The following EIF3H variants were observed in gnomAD, a reference collection of about 807,000 sequenced individuals.
EIF3H encodes eukaryotic translation initiation factor 3 subunit H.
In EIF3H, 26 loss-of-function variants were observed where a neutral mutation model predicts 44.2. That is an observed-to-expected ratio of 0.59 (90% CI 0.43 to 0.82). The LOEUF (loss-of-function observed/expected upper bound fraction) is 0.82, where lower values mean the gene tolerates loss of function less well. Among genes scored for constraint, EIF3H ranks in the 40% least tolerant of loss-of-function variants. The pLI, the probability that EIF3H is intolerant of heterozygous loss-of-function variation, is 0.00. For missense variants in EIF3H, 359 were observed against 432.8 expected (o/e 0.83, Z 1.51); for synonymous variants, 166 against 151.9 (o/e 1.09, Z -0.68).
intron 2 of EIF3H, among the ~76,000 whole-genome samples, chr8:116,682,825 G>A (rs1025916094): frequency 3.3e-5 from 5 of 152,186 alleles, no homozygotes; most frequent in Non-Finnish European, 7.3e-5. Flanking sequence ...ATGAAATGCT[G>A]TAACATGTGG....
At chr8:116,680,393 G>C (rs1400671532) in intron 2 of EIF3H, among the ~76,000 whole-genome samples, 6 of 67,512 alleles carry the variant, frequency 8.9e-5, no homozygotes, top group Non-Finnish European at 1.7e-4. Flanking sequence ...AAGGCGGGAA[G>C]AGTGGGGAAA....
chr8:116,687,391 C>T (rs1814094537), intron 2 of EIF3H, among the ~76,000 whole-genome samples: 1 of 152,252 alleles, frequency 6.6e-6, no homozygotes, highest in East Asian at 1.9e-4. Context: ...CTAAAAATCT[C>T]CATCTTACTT....
intron 1 of EIF3H, among the ~76,000 whole-genome samples, chr8:116,747,361 T>C (rs1378394807): frequency 6.6e-6 from 1 of 152,056 alleles, no homozygotes; most frequent in East Asian, 1.9e-4. Flanking sequence ...CACGGCCCAA[T>C]AACATGTTCT....
At chr8:116,683,372 G>A (rs1488244158) in intron 2 of EIF3H, among the ~76,000 whole-genome samples, 1 of 152,116 alleles carries the variant, frequency 6.6e-6, no homozygotes, top group Non-Finnish European at 1.5e-5. Flanking sequence ...CTTGCAGATG[G>A]CCGGCCATTT....
At chr8:116,764,038 A>G (rs1225452536) in intron 1 of EIF3H, among the ~76,000 whole-genome samples, 4 of 152,176 alleles carry the variant, frequency 2.6e-5, no homozygotes, top group African/African-American at 9.7e-5. Flanking sequence ...ACAGCATAAT[A>G]TTATAAAACT....
intron 2 of EIF3H, among the ~76,000 whole-genome samples, chr8:116,686,984 T>TA (rs1436269392): frequency 2.0e-5 from 3 of 152,092 alleles, no homozygotes; most frequent in Non-Finnish European, 4.4e-5. Flanking sequence ...CAGGGAAACT[T>TA]AGACTTTACT....
At chr8:116,646,045 C>T (rs1294898395) in intron 7 of EIF3H, among the ~76,000 whole-genome samples, 2 of 152,196 alleles carry the variant, frequency 1.3e-5, no homozygotes, top group East Asian at 1.9e-4. Context: ...TCCGGAAATA[C>T]ATTTGTGCTG....
intron 1 of EIF3H, among the ~76,000 whole-genome samples, chr8:116,741,459 ATG>A (rs760811739): frequency 6.6e-5 from 10 of 152,200 alleles, no homozygotes; most frequent in Admixed American, 2.0e-4. Flanking sequence ...CTGTATACAT[ATG>A]TGTGTTTATG....
intron 1 of EIF3H, among the ~76,000 whole-genome samples, chr8:116,736,640 C>T (rs1294402748): frequency 1.3e-5 from 2 of 151,702 alleles, no homozygotes; most frequent in African/African-American, 2.4e-5. Flanking sequence ...CCAGCCTGGG[C>T]GACAGAGCAA....
At chr8:116,676,234 G>A (rs1735276141) in intron 2 of EIF3H, among the ~76,000 whole-genome samples, 1 of 152,204 alleles carries the variant, frequency 6.6e-6, no homozygotes, top group South Asian at 2.1e-4. Context: ...TAATACTAAT[G>A]AGAGAAAGAA....
At chr8:116,757,590 AAT>A (rs1238934466), upstream of EIF3H, among the ~76,000 whole-genome samples, 2 of 152,226 alleles carry the variant, frequency 1.3e-5, no homozygotes, top group African/African-American at 4.8e-5. Flanking sequence ...TAAATAAATC[AAT>A]ATATTATTTA....
At chr8:116,735,853 C>T (rs1474814208) in intron 1 of EIF3H, among the ~76,000 whole-genome samples, 2 of 151,188 alleles carry the variant, frequency 1.3e-5, no homozygotes, top group African/African-American at 2.4e-5. Flanking sequence ...GTCTTTTTTC[C>T]CTTGGAGACC....
Position 116,701,022 on chromosome 8 carries a change from GA to G in EIF3H, c.289+24993del, listed in dbSNP as rs763477952. 5.3e-5 allele frequency among the ~76,000 whole-genome samples: 8 copies of G among 152,076 alleles called. No individual in the cohort carries two copies. The East Asian group carries it at 1.3e-3, about 26-fold the overall frequency. ...CTAATCAGTTCTCCAAAGCCAGAAA[GA>G]AAAATTACTTTCTAAATATTGTGTT... On this transcript the variant is annotated intron_variant, in intron 2 of 7. Coordinates refer to ENST00000521861, the MANE Select transcript of EIF3H (RefSeq NM_003756.3).
intron 2 of EIF3H, among the ~76,000 whole-genome samples, chr8:116,673,436 T>C (rs1040141481): frequency 6.6e-6 from 1 of 152,202 alleles, no homozygotes; most frequent in African/African-American, 2.4e-5. Flanking sequence ...CATCAATTTC[T>C]TCCTCTAATA....
At chr8:116,660,483 A>G (rs1813568000) in intron 2 of EIF3H, among the ~76,000 whole-genome samples, 1 of 152,184 alleles carries the variant, frequency 6.6e-6, no homozygotes, top group Non-Finnish European at 1.5e-5. Context: ...ATGCTAAAAG[A>G]TGGCAGCCAA....
intron 2 of EIF3H, among the ~76,000 whole-genome samples, chr8:116,674,891 TG>T (rs1450698924): frequency 5.9e-5 from 9 of 151,828 alleles, no homozygotes; most frequent in South Asian, 2.1e-4. Flanking sequence ...CAAAAAAAGT[TG>T]TTTTTTTTTA....
chr8:116,668,967 GT>G (rs1813710322), intron 2 of EIF3H, among the ~76,000 whole-genome samples: 1 of 152,142 alleles, frequency 6.6e-6, no homozygotes, highest in Non-Finnish European at 1.5e-5. Flanking sequence ...CCTCCATGGA[GT>G]GTTACGCAAG....
upstream of EIF3H, among the ~76,000 whole-genome samples, chr8:116,756,178 T>G: frequency 6.6e-6 from 1 of 152,246 alleles, no homozygotes; most frequent in East Asian, 1.9e-4. Flanking sequence ...GCATTATGCA[T>G]ATTAGAAAAC....
At chr8:116,739,727 C>G (rs1004959351) in intron 1 of EIF3H, among the ~76,000 whole-genome samples, 1 of 152,012 alleles carries the variant, frequency 6.6e-6, no homozygotes, top group African/African-American at 2.4e-5. Context: ...GCTGTGAGAC[C>G]CCTGATTTCC....
Sources: allele counts gnomAD v4.1 joint callset (sites outside exome capture counted in the v4.1 genomes callset), GRCh38; gene constraint gnomAD v4.1.1; transcripts MANE v1.5; gene names NCBI Gene and HGNC (gene_info 2026-07-23, HGNC 2026-07-21).